PKHD1: variants seen among roughly 807,000 people sequenced by gnomAD.
PKHD1 encodes the protein PKHD1 ciliary IPT domain containing fibrocystin/polyductin, also known as fibrocystin.
Under a neutral mutation model 412.0 loss-of-function variants are expected in PKHD1, and 291 were observed. That is an observed-to-expected ratio of 0.71 (90% CI 0.64 to 0.78). The LOEUF (loss-of-function observed/expected upper bound fraction) is 0.78. Among genes scored for constraint, PKHD1 ranks in the 30% least tolerant of loss-of-function variants. PKHD1 has a pLI of 0.00. For synonymous variants in PKHD1, 1,777 were observed against 1,821.5 expected (o/e 0.98, Z 0.62); for missense variants, 4,825 against 4,950.7 (o/e 0.97, Z 0.76).
chr6:52,064,349 T>C (rs192075327), intron 13 of PKHD1, among the ~76,000 whole-genome samples: 5 of 152,330 alleles, frequency 3.3e-5, no homozygotes, highest in Admixed American at 2.6e-4. Context: ...TGCTCTTAAT[T>C]TGCTGCTGTA....
At chr6:51,913,737 T>A (rs1429358837) in intron 37 of PKHD1, among the ~76,000 whole-genome samples, 1 of 152,142 alleles carries the variant, frequency 6.6e-6, no homozygotes, top group African/African-American at 2.4e-5. Context: ...TATTTATTTG[T>A]CTCTCTGTGC....
At chr6:52,070,937 A>G in intron 9 of PKHD1, 69 bp downstream of exon 9, 1 of 932,032 alleles carries the variant, frequency 1.1e-6, no homozygotes, top group South Asian at 1.3e-5. Context: ...CAATCTTGCA[A>G]TTGCTTTTGT....
chr6:51,663,385 T>G (rs1362811581), intron 60 of PKHD1, among the ~76,000 whole-genome samples: 1 of 152,120 alleles, frequency 6.6e-6, no homozygotes, highest in Non-Finnish European at 1.5e-5. Context: ...TCTGTTATAA[T>G]TATAAATAAA....
chr6:51,873,209 T>C (rs2151795662), intron 46 of PKHD1, among the ~76,000 whole-genome samples: 1 of 152,284 alleles, frequency 6.6e-6, no homozygotes, highest in East Asian at 1.9e-4. Flanking sequence ...AGAATAATGC[T>C]TATAGCATTA....
At chr6:51,817,520 A>G (rs1765664977) in intron 52 of PKHD1, among the ~76,000 whole-genome samples, 1 of 152,120 alleles carries the variant, frequency 6.6e-6, no homozygotes, top group Admixed American at 6.5e-5. Context: ...CAGAGTTTTG[A>G]TTCAGGACTA....
intron 66 of PKHD1, 126 bp downstream of exon 66, chr6:51,626,871 A>C (rs1224209521): frequency 8.5e-6 from 8 of 941,372 alleles, no homozygotes; most frequent in Admixed American, 1.8e-5. Context: ...CTTTGAAGGA[A>C]AGTAACAAAG....
intron 60 of PKHD1, among the ~76,000 whole-genome samples, chr6:51,677,917 C>A (rs1176501786): frequency 1.3e-5 from 2 of 151,982 alleles, no homozygotes; most frequent in East Asian, 3.9e-4. Context: ...CAAACAAATT[C>A]AATAGACTAT....
chr6:52,025,437 G>A lies in PKHD1; in HGVS notation c.4373C>T (p.Ser1458Phe), dbSNP rs1166012817. ...ATTGACCAGGACTGTGACGTTCAGG[G>A]AGAAGGAAGCTCCAGGCAAGGGGTC... ...EGDPLPGASF[S>F]LNVTVLVNGL... Residue 1458 changes from serine (S) to phenylalanine (F), a missense_variant, in exon 32 of 67, where the codon TCC (serine) becomes TTC (phenylalanine). Ser to Phe is a radical substitution (Grantham distance 155, BLOSUM62 -2). Transcript: ENST00000371117. The A allele has an allele frequency of 1.2e-6, 2 of 1,606,872 alleles. No individual in the cohort carries two copies. Among genetic ancestry groups the A allele is most frequent in the East Asian group, 2.2e-5 (1 of 44,764 alleles).
intron 49 of PKHD1, among the ~76,000 whole-genome samples, chr6:51,855,605 G>T (rs1242211443): frequency 6.6e-6 from 1 of 152,178 alleles, no homozygotes; most frequent in Non-Finnish European, 1.5e-5. Flanking sequence ...TGTAGAGGTT[G>T]TTTCTCATTG....
At chr6:51,737,448 T>A (rs1475243567) in intron 60 of PKHD1, among the ~76,000 whole-genome samples, 1 of 152,212 alleles carries the variant, frequency 6.6e-6, no homozygotes, top group Non-Finnish European at 1.5e-5. Flanking sequence ...ATTCAAATAA[T>A]TAAGATTGTA....
At chr6:51,644,439 T>C (rs1353042207) in intron 63 of PKHD1, among the ~76,000 whole-genome samples, 2 of 152,176 alleles carry the variant, frequency 1.3e-5, no homozygotes, top group African/African-American at 4.8e-5. Flanking sequence ...CTTATGGCTA[T>C]CCATTTGAAC....
chr6:52,008,197 G>A (rs1562117055), intron 35 of PKHD1, among the ~76,000 whole-genome samples: 1 of 152,110 alleles, frequency 6.6e-6, no homozygotes, highest in Non-Finnish European at 1.5e-5. Context: ...AATGACTATA[G>A]CCACATGGGT....
At chr6:51,927,956 A>G (rs1785943436) in intron 37 of PKHD1, among the ~76,000 whole-genome samples, 1 of 152,134 alleles carries the variant, frequency 6.6e-6, no homozygotes, top group South Asian at 2.1e-4. Flanking sequence ...ACAAGACTCC[A>G]GTGATTTCAT....
At chr6:51,622,215 G>A (rs780928059) in intron 66 of PKHD1, 2 of 152,208 alleles carry the variant, frequency 1.3e-5, no homozygotes, top group Non-Finnish European at 2.9e-5. Flanking sequence ...AAACTTTCTT[G>A]AGCAGCAAAT....
At chr6:51,883,324 AT>A in intron 45 of PKHD1, 97 bp from the exon 46 acceptor site, 1 of 1,130,006 alleles carries the variant, frequency 8.8e-7, no homozygotes, top group South Asian at 1.3e-5. Context: ...AGAAAGAAGC[AT>A]GCTATATTGT....
At position 51,891,644 on chromosome 6, in the gene PKHD1, G is replaced by A. The variant is rs570578079; in HGVS notation, c.6997-4399C>T. 3.3e-5 allele frequency among the ~76,000 whole-genome samples: 5 copies of A among 151,444 alleles called. No homozygotes were observed. The East Asian group carries it at 5.8e-4, about 18-fold the overall frequency. ...GATCCACTGGCAGTGATAATATAGC[G>A]GCACCCCCAACAGGAGAAGAACTTA... On this transcript the variant is annotated intron_variant, in intron 43 of 66. Coordinates refer to ENST00000371117, the MANE Select transcript of PKHD1 (RefSeq NM_138694.4).
rs1462430796 is a variant in PKHD1, at chr6:52,024,749, T to A, written c.5061A>T (p.Ile1687=). 6.2e-7 allele frequency: 1 copy of A among 1,614,074 alleles called. No individual in the cohort carries two copies. The highest frequency in any genetic ancestry group is 8.5e-7 in the Non-Finnish European group (1 of 1,180,046). ...ISGAANIDIF[I]GMSPCVGVSG... ...AGACACCCACACAGGGTGACATTCCTATAAAAATGTCAATGTTTGCAGCTC... is the reference window on the plus strand; with the variant it reads ...AGACACCCACACAGGGTGACATTCCAATAAAAATGTCAATGTTTGCAGCTC... Residue 1687 remains isoleucine, a synonymous_variant, in exon 32 of 67, where the codon ATA becomes ATT. Transcript: ENST00000371117.
intron 54 of PKHD1, among the ~76,000 whole-genome samples, chr6:51,775,387 T>C (rs1329556502): frequency 3.3e-5 from 5 of 151,892 alleles, no homozygotes; most frequent in Admixed American, 2.6e-4. Context: ...CAATTTAAAA[T>C]AGCATTTGGT....
intron 36 of PKHD1, among the ~76,000 whole-genome samples, chr6:51,939,348 C>A (rs1165503474): frequency 6.6e-6 from 1 of 151,438 alleles, no homozygotes. Context: ...AACCCGCTGA[C>A]CCCTTCTCTC....
Sources: allele counts gnomAD v4.1 joint callset (sites outside exome capture counted in the v4.1 genomes callset), GRCh38; gene constraint gnomAD v4.1.1; transcripts MANE v1.5; gene names NCBI Gene and HGNC (gene_info 2026-07-23, HGNC 2026-07-21).